The following INKA2 variants were observed in gnomAD, a reference collection of about 807,000 sequenced individuals.
INKA2 encodes inka box actin regulator 2.
A neutral mutation model predicts 9.8 loss-of-function variants in INKA2; 3 were observed. The observed-to-expected ratio is 0.31, with a 90% CI of 0.14 to 0.79. The LOEUF (loss-of-function observed/expected upper bound fraction) is 0.79, where lower values mean the gene tolerates loss of function less well. Ranked by LOEUF, INKA2 falls within the 30% of genes least tolerant of loss-of-function variation. The pLI, the probability that INKA2 is intolerant of heterozygous loss-of-function variation, is 0.62. For synonymous variants in INKA2, 147 were observed against 143.3 expected (o/e 1.03, Z -0.18); for missense variants, 392 against 384.4 (o/e 1.02, Z -0.17).
intron 1 of INKA2, chr1:111,755,386 G>T (rs1002283616): frequency 8.9e-6 from 4 of 449,676 alleles, no homozygotes; most frequent in Non-Finnish European, 1.6e-5. Context: ...GGACACACCA[G>T]CCAATGTGGT....
chr1:111,732,284 A>G (rs934884977), intron 1 of INKA2, among the ~76,000 whole-genome samples: 3 of 152,170 alleles, frequency 2.0e-5, no homozygotes, highest in Non-Finnish European at 4.4e-5. Flanking sequence ...CCTCAGGACC[A>G]AAAGGGGAAG....
rs748528212 is a variant in INKA2 at position 111,739,243 on chromosome 1, G to A, written c.-1C>T. ...CCATTTCCCTGCTCTCCATCGTCAT[G>A]CGCCCATTTGTCGGGTTCGGTTCAA... is the stretch of plus-strand genomic sequence containing the variant. On this transcript the variant is annotated 5_prime_UTR_variant, in exon 1 of 2. Coordinates refer to ENST00000357260, the MANE Select transcript of INKA2 (RefSeq NM_019099.5). 7 of 1,613,632 alleles carry A rather than the reference G, an allele frequency of 4.3e-6. No homozygotes were observed. Among genetic ancestry groups the A allele is most frequent in the East Asian group, 2.2e-5 (1 of 44,844 alleles).
chr1:111,733,308 G>A (rs997133563), intron 1 of INKA2, among the ~76,000 whole-genome samples: 1 of 152,132 alleles, frequency 6.6e-6, no homozygotes, highest in Non-Finnish European at 1.5e-5. Context: ...CTGGAGTATC[G>A]CCTCCATCAT....
chr1:111,752,456 T>C (rs1243260657), intron 1 of INKA2, among the ~76,000 whole-genome samples: 2 of 152,230 alleles, frequency 1.3e-5, no homozygotes, highest in East Asian at 3.8e-4. Flanking sequence ...TTTGTATCTC[T>C]AGCACTTGGC....
intron 1 of INKA2, among the ~76,000 whole-genome samples, chr1:111,734,719 G>C (rs1457560403): frequency 6.6e-6 from 1 of 152,218 alleles, no homozygotes; most frequent in Non-Finnish European, 1.5e-5. Context: ...TGCTCATGTT[G>C]TTTCATTATC....
chr1:111,745,293 A>ATATATT (rs1358304932), intron 1 of INKA2: 11 of 49,268 alleles, frequency 2.2e-4, no homozygotes, highest in East Asian at 8.0e-4. Context: ...ATATATATAT[A>ATATATT]TTTTTTTTTT....
At position 111,727,220 on chromosome 1, in the gene INKA2, G is replaced by T; in HGVS notation, c.642C>A (p.Phe214Leu). The change falls in exon 2 of 2, where the codon TTC becomes TTA. Residue 214 changes from phenylalanine to leucine, a missense_variant. By Grantham distance (22) the Phe-to-Leu change is conservative (BLOSUM62 0). Coordinates refer to ENST00000357260, the MANE Select transcript of INKA2 (RefSeq NM_019099.5). The part of the protein sequence containing the change: ...FALTANIFKK[F>L]LRSVRPDRDR... The stretch of plus-strand genomic sequence containing the variant: ...CACGGTCAGGCCGCACACTACGCAA[G>T]AACTTCTTAAAGATGTTTGCTGTCA... The T allele has an allele frequency of 6.2e-7, 1 of 1,614,228 alleles. No homozygotes were observed. The highest frequency in any genetic ancestry group is 8.5e-7 in the Non-Finnish European group (1 of 1,180,044).
chr1:111,755,655 A>G, intron 1 of INKA2: 1 of 1,583,498 alleles, frequency 6.3e-7, no homozygotes, highest in East Asian at 2.3e-5. Flanking sequence ...CGGTGCCCCC[A>G]CCGCAGGCCC....
rs1662760215 is a variant in INKA2 at position 111,725,962 on chromosome 1, C to G, written c.*1006G>C. 1 of 393,924 alleles carries G rather than the reference C, an allele frequency of 2.5e-6. No individual in the cohort carries two copies. Among genetic ancestry groups the G allele is most frequent in the Non-Finnish European group, 4.5e-6 (1 of 223,230 alleles). 24.4% of individuals were successfully genotyped at this position (393,924 alleles called of 1,614,324 possible). ...ATGTTGGCCAGGCTGGTCATGAACT[C>G]CTGACCCCAGGTAATCCGCCTGCCT... is the stretch of plus-strand genomic sequence containing the variant. On this transcript the variant is annotated 3_prime_UTR_variant, in exon 2 of 2. Transcript: ENST00000357260.
chr1:111,746,305 AG>A (rs1663272456), intron 1 of INKA2: 2 of 152,222 alleles, frequency 1.3e-5, no homozygotes, highest in South Asian at 4.1e-4. Context: ...AAAGGCAGCG[AG>A]GCCAAGAAAT....
intron 1 of INKA2, among the ~76,000 whole-genome samples, chr1:111,731,433 C>T (rs1166640068): frequency 6.6e-6 from 1 of 152,118 alleles, no homozygotes; most frequent in Non-Finnish European, 1.5e-5. Context: ...TCACCACAAC[C>T]TCCGCCTCCT....
In INKA2 at chr1:111,726,675, AAAGT is replaced by A. The variant is rs1662776065; in HGVS notation, c.*289_*292del. 2 of 402,664 alleles carry A rather than the reference AAAGT, an allele frequency of 5.0e-6. No individual in the cohort carries two copies. The highest frequency in any genetic ancestry group is 4.1e-5 in the African/African-American group (2 of 48,406). 24.9% of individuals were successfully genotyped at this position (402,664 alleles called of 1,614,324 possible). ...CTCACCTACTGTCACCTCCAGCCCC[AAAGT>A]GAGTGCATGCATGCCAGACAGACAC... On this transcript the variant is annotated 3_prime_UTR_variant, in exon 2 of 2. Transcript: ENST00000357260.
chr1:111,734,875 T>C (rs1662980864), intron 1 of INKA2, among the ~76,000 whole-genome samples: 1 of 152,190 alleles, frequency 6.6e-6, no homozygotes, highest in South Asian at 2.1e-4. Context: ...AACCCGTGCT[T>C]GTTATATAGC....
At chr1:111,740,809 C>T (rs988666764), upstream of INKA2, among the ~76,000 whole-genome samples, 1 of 151,718 alleles carries the variant, frequency 6.6e-6, no homozygotes, top group Non-Finnish European at 1.5e-5. Flanking sequence ...CCCGTCTCCA[C>T]TAAAAATACA....
intron 1 of INKA2, among the ~76,000 whole-genome samples, chr1:111,736,113 G>T (rs1420882504): frequency 6.6e-6 from 1 of 152,222 alleles, no homozygotes; most frequent in African/African-American, 2.4e-5. Flanking sequence ...TTCAGGCAGG[G>T]CCCCTCTTTG....
chr1:111,735,735 C>T (rs17028434), intron 1 of INKA2, among the ~76,000 whole-genome samples: 1,718 of 152,332 alleles, frequency 0.011, 29 homozygotes, highest in African/African-American at 0.04. Context: ...TCTTCTCCAT[C>T]TCCTACTTTT....
upstream of INKA2, chr1:111,739,557 C>G: frequency 3.1e-6 from 2 of 638,638 alleles, no homozygotes; most frequent in Non-Finnish European, 4.6e-6. Context: ...TTGCACAGGA[C>G]CCGGGCGCAG....
intron 1 of INKA2, chr1:111,755,595 C>T: frequency 7.4e-7 from 1 of 1,351,304 alleles, no homozygotes; most frequent in African/African-American, 1.5e-5. Flanking sequence ...GGCGGTGGCG[C>T]CGGGGGCACG....
chr1:111,754,645 G>A (rs1408019527), intron 1 of INKA2: 3 of 152,154 alleles, frequency 2.0e-5, no homozygotes, highest in Non-Finnish European at 4.4e-5. Context: ...TCACAGGTGC[G>A]AGCCACCCCA....
Sources: allele counts gnomAD v4.1 joint callset (sites outside exome capture counted in the v4.1 genomes callset), GRCh38; gene constraint gnomAD v4.1.1; transcripts MANE v1.5; gene names NCBI Gene and HGNC (gene_info 2026-07-23, HGNC 2026-07-21).